TENM2: variants seen among roughly 807,000 people sequenced by gnomAD.
TENM2 encodes teneurin transmembrane protein 2.
In TENM2, 52 loss-of-function variants were observed where a neutral mutation model predicts 245.2. The ratio of observed to expected loss-of-function variants is 0.21; its 90% confidence interval spans 0.17 to 0.27. The LOEUF (loss-of-function observed/expected upper bound fraction) is 0.27. Among genes scored for constraint, TENM2 ranks in the 10% least tolerant of loss-of-function variants. TENM2 has a pLI of 1.00. For missense variants in TENM2, 3,046 were observed against 3,666.8 expected (o/e 0.83, Z 4.37); for synonymous variants, 1,363 against 1,438.9 (o/e 0.95, Z 1.19).
chr5:167,914,340 C>T (rs73372721), intron 3 of TENM2, among the ~76,000 whole-genome samples: 2,442 of 152,264 alleles, frequency 0.016, 46 homozygotes, highest in African/African-American at 0.047. Context: ...TTCCAAAGGA[C>T]GCCTGCATTC....
chr5:167,630,022 C>T (rs535887454), intron 2 of TENM2, among the ~76,000 whole-genome samples: 7 of 151,984 alleles, frequency 4.6e-5, no homozygotes, highest in East Asian at 1.9e-4. Context: ...CCAGTGGGTG[C>T]GGGAAATGGA....
intron 3 of TENM2, among the ~76,000 whole-genome samples, chr5:167,935,728 C>T (rs914978172): frequency 6.6e-6 from 1 of 152,148 alleles, no homozygotes; most frequent in Non-Finnish European, 1.5e-5. Flanking sequence ...CTGCTAGCTG[C>T]TGGCATTCAT....
chr5:167,215,133 A>G, the TENM2 span, among the ~76,000 whole-genome samples: 1 of 152,196 alleles, frequency 6.6e-6, no homozygotes, highest in South Asian at 2.1e-4. Flanking sequence ...GATGCAGTTC[A>G]TATAGTGCTT....
chr5:167,663,448 C>CT (rs1582687676), intron 2 of TENM2, among the ~76,000 whole-genome samples: 2 of 152,238 alleles, frequency 1.3e-5, no homozygotes, highest in South Asian at 4.1e-4. Flanking sequence ...AGAATAAACT[C>CT]TTTTTCTCTG....
At chr5:167,619,157 G>T (rs906585320) in intron 2 of TENM2, among the ~76,000 whole-genome samples, 7 of 151,840 alleles carry the variant, frequency 4.6e-5, no homozygotes, top group Admixed American at 3.9e-4. Flanking sequence ...TTTTTGTTTT[G>T]GTTTTCTATT....
At chr5:167,306,832 C>T (rs939562043) in intron 1 of TENM2, among the ~76,000 whole-genome samples, 5 of 152,174 alleles carry the variant, frequency 3.3e-5, no homozygotes, top group African/African-American at 1.2e-4. Context: ...ATGTTAATAA[C>T]TGAATAATAT....
At chr5:167,880,371 A>G (rs1270738111) in intron 3 of TENM2, among the ~76,000 whole-genome samples, 3 of 152,200 alleles carry the variant, frequency 2.0e-5, no homozygotes, top group Non-Finnish European at 2.9e-5. Context: ...CTATAATTAG[A>G]TGATACAATA....
the TENM2 span, among the ~76,000 whole-genome samples, chr5:167,099,998 T>G: frequency 6.6e-6 from 1 of 152,134 alleles, no homozygotes. Context: ...ACTTCTAACG[T>G]CTTTCCTTTG....
intron 2 of TENM2, among the ~76,000 whole-genome samples, chr5:167,612,567 T>TG (rs1777544614): frequency 6.6e-6 from 1 of 152,162 alleles, no homozygotes; most frequent in Non-Finnish European, 1.5e-5. Context: ...TAAAAATAAC[T>TG]TTAAAAGGTT....
At chr5:167,274,366 A>G in the TENM2 span, among the ~76,000 whole-genome samples, 1 of 152,092 alleles carries the variant, frequency 6.6e-6, no homozygotes, top group African/African-American at 2.4e-5. Context: ...GCAGTATTTC[A>G]TGGCATGGGT....
At chr5:167,364,127 GA>G in intron 1 of TENM2, among the ~76,000 whole-genome samples, 1 of 150,238 alleles carries the variant, frequency 6.7e-6, no homozygotes, top group Non-Finnish European at 1.5e-5. Flanking sequence ...TTGGTGAAAA[GA>G]ATAGAGTATG....
the TENM2 span, among the ~76,000 whole-genome samples, chr5:166,992,018 T>C: frequency 6.6e-6 from 1 of 151,662 alleles, no homozygotes; most frequent in Non-Finnish European, 1.5e-5. Flanking sequence ...CAGAGATTTC[T>C]GGAAGAGAAA....
the TENM2 span, among the ~76,000 whole-genome samples, chr5:167,235,155 G>C: frequency 5.9e-5 from 9 of 152,074 alleles, no homozygotes; most frequent in African/African-American, 2.2e-4. Flanking sequence ...TTTTTCCCCT[G>C]TCTTCACATG....
intron 12 of TENM2, among the ~76,000 whole-genome samples, chr5:168,158,829 G>GTATATATATATATA (rs780328417): frequency 7.8e-5 from 5 of 63,738 alleles, no homozygotes; most frequent in East Asian, 6.4e-4. Context: ...GTGTGTGTGT[G>GTATATATATATATA]TATATATATA....
intron 3 of TENM2, among the ~76,000 whole-genome samples, chr5:167,930,104 G>C (rs935618529): frequency 6.6e-6 from 1 of 152,170 alleles, no homozygotes; most frequent in African/African-American, 2.4e-5. Context: ...CTGCACTCCA[G>C]GGAAATCGCA....
intron 2 of TENM2, among the ~76,000 whole-genome samples, chr5:167,783,422 G>A (rs1583000270): frequency 6.6e-6 from 1 of 152,094 alleles, no homozygotes; most frequent in Non-Finnish European, 1.5e-5. Flanking sequence ...GCTCACCATT[G>A]GGAACCAGAG....
chr5:167,573,496 C>T (rs1774416405), intron 2 of TENM2, among the ~76,000 whole-genome samples: 1 of 140,742 alleles, frequency 7.1e-6, no homozygotes, highest in South Asian at 2.4e-4. Context: ...TCTTGATGTT[C>T]TCTGTCTCTC....
At chr5:167,132,187 A>G in the TENM2 span, among the ~76,000 whole-genome samples, 2 of 152,182 alleles carry the variant, frequency 1.3e-5, no homozygotes, top group East Asian at 1.9e-4. Flanking sequence ...AGTGATATAT[A>G]ACATAAAAAG....
chr5:167,022,385 A>G, the TENM2 span, among the ~76,000 whole-genome samples: 2 of 152,336 alleles, frequency 1.3e-5, no homozygotes, highest in Middle Eastern at 6.8e-3. Context: ...CCAGATGCAA[A>G]AGAGAGTACA....
Sources: gnomAD v4.1 joint callset for allele counts (sites outside exome capture counted in the v4.1 genomes callset) on GRCh38, gnomAD v4.1.1 for gene constraint, MANE v1.5 for transcripts, NCBI Gene and HGNC (gene_info 2026-07-23, HGNC 2026-07-21) for gene names.